Variants in ZNF831 observed in about 807,000 individuals in gnomAD.
ZNF831 encodes zinc finger protein 831.
Under a neutral mutation model 95.8 loss-of-function variants are expected in ZNF831, and 59 were observed. The ratio of observed to expected loss-of-function variants is 0.62; its 90% CI spans 0.50 to 0.77. The LOEUF (loss-of-function observed/expected upper bound fraction) is 0.77. Ranked by LOEUF, ZNF831 falls within the 30% of genes least tolerant of loss-of-function variation. ZNF831 has a pLI of 0.00. For synonymous variants in ZNF831, 961 were observed against 925.5 expected (o/e 1.04, Z -0.70); for missense variants, 2,205 against 2,164.0 (o/e 1.02, Z -0.38).
intron 1 of ZNF831, among the ~76,000 whole-genome samples, chr20:59,134,915 A>T (rs1319342418): frequency 6.6e-6 from 1 of 152,168 alleles, no homozygotes; most frequent in Non-Finnish European, 1.5e-5. Flanking sequence ...AGGATTGAGG[A>T]ATACCATGCA....
intron 2 of ZNF831, among the ~76,000 whole-genome samples, chr20:59,158,215 G>A (rs967012393): frequency 3.9e-5 from 6 of 152,186 alleles, no homozygotes; most frequent in Non-Finnish European, 7.3e-5. Flanking sequence ...TGCAGAAGGC[G>A]ATTACTCCGG....
At chr20:59,206,195 A>G (rs1984882945) in intron 3 of ZNF831, among the ~76,000 whole-genome samples, 1 of 151,778 alleles carries the variant, frequency 6.6e-6, no homozygotes, top group African/African-American at 2.4e-5. Context: ...GGTCACAAAT[A>G]AGAAAGACTA....
intron 4 of ZNF831, among the ~76,000 whole-genome samples, chr20:59,252,105 A>G (rs1987919197): frequency 6.6e-6 from 1 of 152,222 alleles, no homozygotes; most frequent in East Asian, 1.9e-4. Context: ...ATGTAGTTCT[A>G]TAACAATGTT....
intron 2 of ZNF831, among the ~76,000 whole-genome samples, chr20:59,151,232 T>C (rs1980214567): frequency 6.6e-6 from 1 of 152,176 alleles, no homozygotes; most frequent in African/African-American, 2.4e-5. Context: ...CCTGCCACCC[T>C]GATCTGTGTA....
chr20:59,161,773 T>C (rs1980884245), upstream of ZNF831, among the ~76,000 whole-genome samples: 1 of 152,244 alleles, frequency 6.6e-6, no homozygotes, highest in African/African-American at 2.4e-5. Context: ...TTTGGGTAGA[T>C]ACCCAGTAAT....
intron 1 of ZNF831, among the ~76,000 whole-genome samples, chr20:59,178,609 T>C (rs372307279): frequency 4.3e-4 from 66 of 152,216 alleles, no homozygotes; most frequent in African/African-American, 1.6e-3. Flanking sequence ...TTGAAAAAAA[T>C]GTATTAATAA....
At chr20:59,166,158 A>T (rs1437143272) in intron 1 of ZNF831, among the ~76,000 whole-genome samples, 1 of 152,200 alleles carries the variant, frequency 6.6e-6, no homozygotes, top group African/African-American at 2.4e-5. Flanking sequence ...ATAAGGGTAC[A>T]TAAGAAAAAG....
rs1372674806 is a variant in ZNF831, at chr20:59,206,902, C to T, written c.3876-3C>T. 10 of 1,613,074 alleles carry T rather than the reference C, an allele frequency of 6.2e-6. No individual in the cohort carries two copies. The highest frequency in any genetic ancestry group is 7.6e-6 in the Non-Finnish European group (9 of 1,179,654). On this transcript the variant is annotated splice_polypyrimidine_tract_variant and splice_region_variant and intron_variant, in intron 3 of 5. Transcript: ENST00000371030. The stretch of plus-strand genomic sequence containing the variant: ...ACTGCAAGCATGCTTCTCTCTTCTA[C>T]AGGTACAAAGGGAATTTCTTGCAGA...
intron 1 of ZNF831, among the ~76,000 whole-genome samples, chr20:59,125,866 A>T (rs1979156276): frequency 6.6e-6 from 1 of 152,164 alleles, no homozygotes; most frequent in Admixed American, 6.5e-5. Context: ...GTGATAATTT[A>T]AATGGAGGCT....
intron 4 of ZNF831, 102 bp downstream of exon 4, chr20:59,207,158 G>A (rs1984954213): frequency 7.7e-6 from 11 of 1,436,642 alleles, no homozygotes; most frequent in Middle Eastern, 2.5e-4. Context: ...AGCCCCAAGT[G>A]CCACAGGGGT....
chr20:59,236,854 A>G (rs773536105), intron 4 of ZNF831, among the ~76,000 whole-genome samples: 5 of 152,180 alleles, frequency 3.3e-5, no homozygotes, highest in Non-Finnish European at 5.9e-5. Context: ...AGCTTAAGAC[A>G]AGAAGAAAAA....
chr20:59,138,948 C>T (rs934143852), intron 1 of ZNF831, among the ~76,000 whole-genome samples: 1 of 152,108 alleles, frequency 6.6e-6, no homozygotes, highest in African/African-American at 2.4e-5. Context: ...TTCGCAAATC[C>T]CCTCCTCAGA....
chr20:59,242,154 T>G (rs1259845725), intron 4 of ZNF831, among the ~76,000 whole-genome samples: 1 of 152,222 alleles, frequency 6.6e-6, no homozygotes, highest in African/African-American at 2.4e-5. Flanking sequence ...TGTTTCTAGT[T>G]TGACAAGAGC....
At chr20:59,177,196 G>C (rs536059146) in intron 1 of ZNF831, among the ~76,000 whole-genome samples, 3 of 152,182 alleles carry the variant, frequency 2.0e-5, no homozygotes, top group Non-Finnish European at 4.4e-5. Flanking sequence ...ATCAAGACAG[G>C]CGTCTTGTCA....
At chr20:59,197,306 C>T (rs1221146274) in intron 3 of ZNF831, among the ~76,000 whole-genome samples, 2 of 152,062 alleles carry the variant, frequency 1.3e-5, no homozygotes, top group South Asian at 2.1e-4. Context: ...TTCTGGCATG[C>T]ATTGTTTCAG....
chr20:59,193,045 A>C lies in ZNF831; in HGVS notation c.2026A>C (p.Arg676=). The change falls in exon 2 of 6, where the codon AGG becomes CGG. Residue 676 remains arginine (R), a synonymous_variant. Coordinates refer to ENST00000371030, the MANE Select transcript of ZNF831 (RefSeq NM_178457.3). The part of the protein sequence containing the change: ...GSSGTVPTQD[R]RTPVHEDISA... The stretch of plus-strand genomic sequence containing the variant: ...CTCAGGCACAGTCCCCACCCAAGAC[A>C]GGAGGACCCCTGTCCATGAGGACAT... 1 of 1,576,778 alleles carries C rather than the reference A, an allele frequency of 6.3e-7. No individual in the cohort carries two copies. Among genetic ancestry groups the C allele is most frequent in the South Asian group, 1.2e-5 (1 of 83,438 alleles).
chr20:59,138,940 C>T (rs1053350144), intron 1 of ZNF831, among the ~76,000 whole-genome samples: 2 of 152,048 alleles, frequency 1.3e-5, no homozygotes, highest in East Asian at 1.9e-4. Context: ...TCAGACTGTT[C>T]GCAAATCCCC....
intron 4 of ZNF831, among the ~76,000 whole-genome samples, chr20:59,251,666 A>G (rs529524432): frequency 6.6e-6 from 1 of 152,358 alleles, no homozygotes; most frequent in South Asian, 2.1e-4. Flanking sequence ...GCAGAGAAAC[A>G]TGGTCCACTT....
Position 59,216,478 on chromosome 20 carries a change from C to T in ZNF831, c.4027+9422C>T, listed in dbSNP as rs115062348. On this transcript the variant is annotated intron_variant, in intron 4 of 5. Transcript: ENST00000371030. The stretch of plus-strand genomic sequence containing the variant: ...TGTCGCCCAGGCTGGAGTGCAGTGG[C>T]GTGATCTCGGCTCACTGCAACCTCT... Among the ~76,000 whole-genome samples, 1,213 of 152,288 alleles carry T rather than the reference C, an allele frequency of 8.0e-3. 14 individuals carry two copies. The highest frequency in any genetic ancestry group is 0.028 in the African/African-American group (1,155 of 41,558).
Sources: gnomAD v4.1 joint callset for allele counts (sites outside exome capture counted in the v4.1 genomes callset) on GRCh38, gnomAD v4.1.1 for gene constraint, MANE v1.5 for transcripts, NCBI Gene and HGNC (gene_info 2026-07-23, HGNC 2026-07-21) for gene names.